EPB41: variants seen among roughly 807,000 people sequenced by gnomAD.
EPB41 encodes the protein erythrocyte membrane protein band 4.1.
Under a neutral mutation model 108.0 loss-of-function variants are expected in EPB41, and 65 were observed. The ratio of observed to expected loss-of-function variants is 0.60; its 90% confidence interval spans 0.49 to 0.74. The LOEUF (loss-of-function observed/expected upper bound fraction) is 0.74, where lower values mean the gene tolerates loss of function less well. Among genes scored for constraint, EPB41 ranks in the 30% least tolerant of loss-of-function variants. The pLI, the probability that EPB41 is intolerant of heterozygous loss-of-function variation, is 0.00. For synonymous variants in EPB41, 336 were observed against 358.9 expected, an observed-to-expected ratio of 0.94 and a Z score of 0.72; for missense variants, 875 against 1,037.0, an observed-to-expected ratio of 0.84 and a Z score of 2.15.
In EPB41 at chr1:29,119,986, C is replaced by T. The variant is rs1671643288; in HGVS notation, c.*3174C>T. On this transcript the variant is annotated 3_prime_UTR_variant, in exon 21 of 21. Coordinates refer to ENST00000343067, the MANE Select transcript of EPB41 (RefSeq NM_001376013.1). ...AGAAGTGGTTGTAGTGTTTAGATAT[C>T]TGTTTGGTCTTGCTTCTTGTATTGC... 6.6e-6 allele frequency: 1 copy of T among 152,608 alleles called. No homozygotes were observed. Among genetic ancestry groups the T allele is most frequent in the African/African-American group, 2.4e-5 (1 of 41,430 alleles). 9.5% of individuals were successfully genotyped at this position (152,608 alleles called of 1,614,324 possible). A position where few individuals can be genotyped will look rare whatever the true frequency, so the allele number is the denominator to read the frequency against.
In EPB41 at chr1:29,062,695, C is replaced by T. The variant is rs374721223; in HGVS notation, c.2007+2211C>T. Among the ~76,000 whole-genome samples, 563 of 151,448 alleles carry T rather than the reference C, an allele frequency of 3.7e-3. 2 individuals are homozygous for T. The highest frequency in any genetic ancestry group is 6.1e-3 in the Non-Finnish European group (415 of 67,860). On this transcript the variant is annotated intron_variant, in intron 15 of 20. Coordinates refer to ENST00000343067, the MANE Select transcript of EPB41 (RefSeq NM_001376013.1). The stretch of plus-strand genomic sequence containing the variant: ...ATCCCTCCTCCCCCTTCTCCTACCC[C>T]GCCCCCACTAATGCTTTGTTCTGGC...
intron 1 of EPB41, among the ~76,000 whole-genome samples, chr1:28,948,590 T>C (rs1183546515): frequency 6.6e-6 from 1 of 151,838 alleles, no homozygotes; most frequent in East Asian, 1.9e-4. Flanking sequence ...TTTTAAGTGA[T>C]GTAAATCTGT....
chr1:29,112,272 A>G, intron 18 of EPB41, 96 bp from the exon 19 acceptor site: 1 of 1,020,768 alleles, frequency 9.8e-7, no homozygotes, highest in Non-Finnish European at 1.5e-6. Flanking sequence ...AAGTGTTGAG[A>G]TTACAAGTGT....
chr1:29,046,679 A>G (rs1318763548), intron 11 of EPB41, among the ~76,000 whole-genome samples: 2 of 152,066 alleles, frequency 1.3e-5, no homozygotes, highest in Non-Finnish European at 2.9e-5. Flanking sequence ...CTTATATGGT[A>G]TTTTCTTTAT....
chr1:28,959,962 G>T (rs555446767), intron 1 of EPB41, among the ~76,000 whole-genome samples: 1 of 150,220 alleles, frequency 6.7e-6, no homozygotes, highest in African/African-American at 2.4e-5. Flanking sequence ...GATTACAGGC[G>T]TGAGCCCCTT....
intron 11 of EPB41, among the ~76,000 whole-genome samples, chr1:29,047,699 C>T (rs10915220): frequency 0.075 from 11,371 of 151,986 alleles, 442 homozygotes; most frequent in African/African-American, 0.1. Context: ...CTTTTTGTTT[C>T]GAATAGCCTT....
chr1:29,059,816 T>C (rs1646196734), intron 14 of EPB41, among the ~76,000 whole-genome samples: 1 of 152,148 alleles, frequency 6.6e-6, no homozygotes, highest in South Asian at 2.1e-4. Context: ...CCCAGTACTG[T>C]GTACAGCCGA....
intron 1 of EPB41, among the ~76,000 whole-genome samples, chr1:28,921,719 A>G (rs1350669426): frequency 4.6e-5 from 7 of 151,502 alleles, no homozygotes; most frequent in African/African-American, 1.2e-4. Flanking sequence ...GTATCATATG[A>G]TATTGTATAT....
intron 7 of EPB41, among the ~76,000 whole-genome samples, chr1:29,029,405 T>C (rs2096761058): frequency 6.6e-6 from 1 of 152,228 alleles, no homozygotes; most frequent in African/African-American, 2.4e-5. Context: ...TCCTTTGTCC[T>C]TTTAATTAGG....
At chr1:28,988,246 A>G (rs2095916074) in intron 2 of EPB41, among the ~76,000 whole-genome samples, 1 of 152,220 alleles carries the variant, frequency 6.6e-6, no homozygotes, top group African/African-American at 2.4e-5. Flanking sequence ...GGCAACAAGG[A>G]TGAGATTCCG....
At chr1:28,997,167 AAAAG>A (rs771862783) in intron 3 of EPB41, 44 bp from the exon 4 acceptor site, 15 of 1,387,658 alleles carry the variant, frequency 1.1e-5, no homozygotes, top group Non-Finnish European at 1.5e-5. Context: ...GGGAAAAAAT[AAAAG>A]AAGAAGAAAC....
chr1:29,001,428 A>G (rs1290863199), intron 4 of EPB41, among the ~76,000 whole-genome samples: 1 of 152,178 alleles, frequency 6.6e-6, no homozygotes, highest in East Asian at 1.9e-4. Context: ...TCCCATCACT[A>G]TCATCCTGGG....
At chr1:29,009,305 T>G (rs561944609) in intron 4 of EPB41, among the ~76,000 whole-genome samples, 5 of 152,358 alleles carry the variant, frequency 3.3e-5, no homozygotes, top group Non-Finnish European at 7.3e-5. Context: ...ATTTTGTTTT[T>G]GATTTTGATT....
intron 10 of EPB41, among the ~76,000 whole-genome samples, chr1:29,037,570 C>T (rs971062631): frequency 1.3e-5 from 2 of 149,532 alleles, no homozygotes; most frequent in Non-Finnish European, 3.0e-5. Flanking sequence ...GGAAAGTTGG[C>T]TATTTATCAG....
chr1:28,963,831 T>A (rs567670940), intron 1 of EPB41, among the ~76,000 whole-genome samples: 1 of 152,358 alleles, frequency 6.6e-6, no homozygotes, highest in Admixed American at 6.5e-5. Context: ...GAATGACTTT[T>A]AGCACATTTA....
intron 16 of EPB41, among the ~76,000 whole-genome samples, chr1:29,075,885 C>T (rs775018654): frequency 2.6e-4 from 40 of 152,168 alleles, no homozygotes; most frequent in Non-Finnish European, 5.0e-4. Flanking sequence ...CCTCTCTCTT[C>T]CAGTGCTTGA....
Position 28,987,415 on chromosome 1 carries a change from A to G in EPB41, c.-7-16A>G, listed in dbSNP as rs1322337143. ...TTGCTTATAAGAGCCCCCCTTTTCT[A>G]TCTTCTTTTTAATAGCAACATCATG... On this transcript the variant is annotated splice_polypyrimidine_tract_variant and intron_variant, in intron 1 of 20. Coordinates refer to ENST00000343067, the MANE Select transcript of EPB41 (RefSeq NM_001376013.1). 4 of 1,609,774 alleles carry G rather than the reference A, an allele frequency of 2.5e-6. No individual in the cohort carries two copies. The South Asian group carries it at 3.3e-5, about 13-fold the overall frequency.
At chr1:28,982,306 T>C in intron 1 of EPB41, 1 of 595,236 alleles carries the variant, frequency 1.7e-6, no homozygotes, top group Non-Finnish European at 3.2e-6. Context: ...GAAGAACTAC[T>C]TGTTCTTGCC....
chr1:28,958,742 C>G (rs1455016254), intron 1 of EPB41, among the ~76,000 whole-genome samples: 4 of 144,344 alleles, frequency 2.8e-5, no homozygotes, highest in Non-Finnish European at 4.5e-5. Flanking sequence ...TTGCTTGAGC[C>G]TGGGAGGTGA....
Sources: gnomAD v4.1 joint callset for allele counts (sites outside exome capture counted in the v4.1 genomes callset) on GRCh38, gnomAD v4.1.1 for gene constraint, MANE v1.5 for transcripts, NCBI Gene and HGNC (gene_info 2026-07-23, HGNC 2026-07-21) for gene names.